PBX1: variants seen among roughly 807,000 people sequenced by gnomAD.
The protein encoded by PBX1 is PBX homeobox 1, also known as pre-B-cell leukemia transcription factor 1.
In PBX1, 6 loss-of-function variants were observed where a neutral mutation model predicts 53.4. That is an observed-to-expected ratio of 0.11 (90% confidence interval 0.06 to 0.22). The LOEUF is 0.22. Ranked by LOEUF, PBX1 falls within the 10% of genes least tolerant of loss-of-function variation. The pLI is 1.00. For missense variants in PBX1, 251 were observed against 551.4 expected, an observed-to-expected ratio of 0.46 and a Z score of 5.46; for synonymous variants, 204 against 212.3, an observed-to-expected ratio of 0.96 and a Z score of 0.34.
In PBX1 at chr1:164,722,648, A is replaced by G. The variant is rs999006528; in HGVS notation, c.266-69846A>G. Among the ~76,000 whole-genome samples, 5 of 152,228 alleles carry G rather than the reference A, an allele frequency of 3.3e-5. No individual in the cohort carries two copies. The East Asian group carries it at 7.7e-4, about 24-fold the overall frequency. On this transcript the variant is annotated intron_variant, in intron 2 of 8. Transcript: ENST00000420696. ...CTCTTCCCCTCCTCTTCCACTGACC[A>G]TCAAGATTCTGTTCCTCATTCTTTT... is the stretch of plus-strand genomic sequence containing the variant.
intron 2 of PBX1, among the ~76,000 whole-genome samples, chr1:164,870,262 C>CTTCCTTCCTTCCTTCT (rs1672327692): frequency 1.5e-5 from 1 of 64,574 alleles, no homozygotes; most frequent in African/African-American, 6.9e-5. Context: ...TCCTTCCTTC[C>CTTCCTTCCTTCCTTCT]TTCCTTCTTT....
chr1:164,646,932 T>C (rs1659486336), intron 2 of PBX1, among the ~76,000 whole-genome samples: 1 of 152,188 alleles, frequency 6.6e-6, no homozygotes, highest in Non-Finnish European at 1.5e-5. Flanking sequence ...TTTAGTGTGG[T>C]GGCATTCAGT....
intron 2 of PBX1, among the ~76,000 whole-genome samples, chr1:164,645,523 G>A (rs1659400086): frequency 6.6e-6 from 1 of 151,588 alleles, no homozygotes; most frequent in Admixed American, 6.6e-5. Context: ...AGGCAGAGGA[G>A]AAGGGGGGCT....
chr1:164,657,302 AAGGTG>A (rs1317987101), intron 2 of PBX1: 1 of 152,162 alleles, frequency 6.6e-6, no homozygotes, highest in East Asian at 1.9e-4. Context: ...ATCTATTCAG[AAGGTG>A]GGGACATCTG....
chr1:164,725,213 G>T (rs139005996), intron 2 of PBX1, among the ~76,000 whole-genome samples: 294 of 152,206 alleles, frequency 1.9e-3, no homozygotes, highest in African/African-American at 6.8e-3. Flanking sequence ...GTTCTAGAGG[G>T]ACAAATGACT....
At chr1:164,663,130 G>T (rs991643260) in intron 2 of PBX1, among the ~76,000 whole-genome samples, 4 of 151,984 alleles carry the variant, frequency 2.6e-5, no homozygotes, top group African/African-American at 9.7e-5. Flanking sequence ...AAATGGAAGC[G>T]TGCCTACCTT....
chr1:164,705,933 T>G (rs1457512649), intron 2 of PBX1, among the ~76,000 whole-genome samples: 1 of 152,256 alleles, frequency 6.6e-6, no homozygotes, highest in Non-Finnish European at 1.5e-5. Context: ...TCTGGAATTC[T>G]GTGTTAATTT....
At chr1:164,627,982 T>A (rs1658155491) in intron 2 of PBX1, among the ~76,000 whole-genome samples, 1 of 152,218 alleles carries the variant, frequency 6.6e-6, no homozygotes, top group Non-Finnish European at 1.5e-5. Context: ...AGAATGGATC[T>A]TTCTGTACCT....
chr1:164,648,421 C>A (rs1001434280), intron 2 of PBX1, among the ~76,000 whole-genome samples: 2 of 152,222 alleles, frequency 1.3e-5, no homozygotes, highest in African/African-American at 4.8e-5. Context: ...CACCTCCTCA[C>A]TAGCTGGCTC....
intron 2 of PBX1, among the ~76,000 whole-genome samples, chr1:164,636,329 T>C (rs1237964116): frequency 1.3e-5 from 2 of 152,186 alleles, no homozygotes; most frequent in Non-Finnish European, 2.9e-5. Context: ...CATTTCTACA[T>C]GACCATCTTG....
intron 2 of PBX1, among the ~76,000 whole-genome samples, chr1:164,765,542 G>A (rs1239548952): frequency 6.6e-6 from 1 of 152,166 alleles, no homozygotes; most frequent in Non-Finnish European, 1.5e-5. Context: ...AGGAGAGAAG[G>A]CAGCTAACAC....
intron 2 of PBX1, among the ~76,000 whole-genome samples, chr1:164,689,324 TTTTTC>T (rs1662318634): frequency 1.3e-5 from 2 of 152,166 alleles, no homozygotes; most frequent in East Asian, 1.9e-4. Flanking sequence ...TCATTCTTCT[TTTTTC>T]TTTTCTTTTT....
At chr1:164,619,457 G>A (rs1657526041) in intron 2 of PBX1, among the ~76,000 whole-genome samples, 2 of 152,126 alleles carry the variant, frequency 1.3e-5, no homozygotes, top group Admixed American at 1.3e-4. Context: ...GGGGCAGTGA[G>A]TGAGGGGATC....
Position 164,849,128 on chromosome 1 carries a change from A to G in PBX1, c.*2452A>G. On this transcript the variant is annotated 3_prime_UTR_variant, in exon 9 of 9. Coordinates refer to ENST00000420696, the MANE Select transcript of PBX1 (RefSeq NM_002585.4). ...AATCACATTTGCTTGACTTAGGGCA[A>G]AGTACGAAAGAGAGACAAAAGGGTT... 11 of 1,372,456 alleles carry G rather than the reference A, an allele frequency of 8.0e-6. No homozygotes were observed. The highest frequency in any genetic ancestry group is 1.0e-5 in the Non-Finnish European group (11 of 1,062,516). 85.0% of individuals were successfully genotyped at this position (1,372,456 alleles called of 1,614,324 possible).
chr1:164,879,657 A>G lies in PBX1; in HGVS notation n.258-19531A>G, dbSNP rs12755313. On this transcript the variant is annotated intron_variant and non_coding_transcript_variant, in intron 2 of 2. Coordinates refer to the PBX1 transcript ENST00000558796. Reference sequence around the variant, plus strand: ...ATCACCAAGGGAGCATGGATGGAGTAAGTCAACACGGTAGTCATGATGGTT... The same window carrying G: ...ATCACCAAGGGAGCATGGATGGAGTGAGTCAACACGGTAGTCATGATGGTT... Among the ~76,000 whole-genome samples, 902 of 152,298 alleles carry G rather than the reference A, an allele frequency of 5.9e-3. 4 individuals are homozygous for G. The highest frequency in any genetic ancestry group is 9.7e-3 in the Non-Finnish European group (661 of 68,012).
chr1:164,694,735 C>T (rs1278721459), intron 2 of PBX1, among the ~76,000 whole-genome samples: 1 of 152,218 alleles, frequency 6.6e-6, no homozygotes, highest in Non-Finnish European at 1.5e-5. Context: ...TTCATCTAAT[C>T]ATTAGCCAAT....
chr1:164,836,903 C>G (rs1157190929), intron 8 of PBX1, among the ~76,000 whole-genome samples: 1 of 152,202 alleles, frequency 6.6e-6, no homozygotes, highest in Non-Finnish European at 1.5e-5. Context: ...CCAACGGAGC[C>G]TTTGTGGCTT....
chr1:164,607,733 G>A (rs1656654699), intron 2 of PBX1, among the ~76,000 whole-genome samples: 1 of 152,092 alleles, frequency 6.6e-6, no homozygotes, highest in Non-Finnish European at 1.5e-5. Context: ...CCCTGAGAAG[G>A]CCAAATATTT....
intron 8 of PBX1, among the ~76,000 whole-genome samples, chr1:164,825,710 C>T (rs934811371): frequency 1.3e-5 from 2 of 152,076 alleles, no homozygotes; most frequent in African/African-American, 4.8e-5. Flanking sequence ...GATGATATTG[C>T]AGACATAATT....
Sources: gnomAD v4.1 joint callset for allele counts (sites outside exome capture counted in the v4.1 genomes callset) on GRCh38, gnomAD v4.1.1 for gene constraint, MANE v1.5 for transcripts, NCBI Gene and HGNC (gene_info 2026-07-23, HGNC 2026-07-21) for gene names.